The following WDR36 variants were observed in gnomAD, a reference collection of about 807,000 sequenced individuals.
WDR36 encodes the protein WD repeat-containing protein 36.
In WDR36, 63 loss-of-function variants were observed where a neutral mutation model predicts 112.7. That is an observed-to-expected ratio of 0.56 (90% confidence interval 0.46 to 0.69). The LOEUF (loss-of-function observed/expected upper bound fraction) is 0.69. WDR36 is among the 30% of genes least tolerant of loss of function. WDR36 has a pLI of 0.00. For missense variants in WDR36, 1,226 were observed against 1,070.3 expected (o/e 1.15, Z -2.03); for synonymous variants, 410 against 362.2 (o/e 1.13, Z -1.50).
rs1753321535 is a variant in WDR36 at position 111,110,789 on chromosome 5, T to C, written c.1443T>C (p.Ala481=). The C allele has an allele frequency of 3.7e-6, 6 of 1,610,220 alleles. No individual in the cohort carries two copies. The highest frequency in any genetic ancestry group is 1.7e-4 in the Middle Eastern group (1 of 6,008). Reference sequence around the variant, plus strand: ...TTTCTTTTGACATCTACCTTACAGCTCACAAGGGATCTGTTAGAGGTGTCG... The same window carrying C: ...TTTCTTTTGACATCTACCTTACAGCCCACAAGGGATCTGTTAGAGGTGTCG... ...IHRGSFGKDQ[A]HKGSVRGVAV... Residue 481 remains alanine (A), a splice_region_variant and synonymous_variant, in exon 14 of 23, where the codon GCT becomes GCC. Transcript: ENST00000513710.
intron 15 of WDR36, 72 bp downstream of exon 15, chr5:111,111,350 C>G (rs749370953): frequency 1.2e-5 from 14 of 1,196,486 alleles, no homozygotes; most frequent in Non-Finnish European, 1.6e-5. Context: ...CTTTAATAGC[C>G]TTAAAATCAT....
In WDR36 at chr5:111,105,370, C is replaced by G. The variant is rs1254230993; in HGVS notation, c.1093+10C>G. 3 of 1,607,608 alleles carry G rather than the reference C, an allele frequency of 1.9e-6. No individual in the cohort carries two copies. Among genetic ancestry groups the G allele is most frequent in the Non-Finnish European group, 2.6e-6 (3 of 1,175,296 alleles). ...AAGAGCTTGGGACATGGTAGGTCCT[C>G]TACAAGACAAAATAAGCTGGTCACG... On this transcript the variant is annotated intron_variant, in intron 10 of 22. Coordinates refer to ENST00000513710, the MANE Select transcript of WDR36 (RefSeq NM_139281.3).
At chr5:111,119,788 CA>C (rs1296979280) in intron 17 of WDR36, among the ~76,000 whole-genome samples, 2 of 151,954 alleles carry the variant, frequency 1.3e-5, no homozygotes, top group African/African-American at 4.8e-5. Context: ...ATAATAGAAA[CA>C]GACCCTGTTC....
chr5:111,100,058 C>T (rs938917564), intron 4 of WDR36, among the ~76,000 whole-genome samples: 13 of 147,560 alleles, frequency 8.8e-5, no homozygotes, highest in African/African-American at 1.7e-4. Context: ...CAGGGTTATA[C>T]GTTTTTTTTT....
intron 6 of WDR36, 57 bp downstream of exon 6, chr5:111,102,456 T>C (rs1005013600): frequency 1.3e-6 from 2 of 1,514,616 alleles, no homozygotes; most frequent in Admixed American, 3.4e-5. Flanking sequence ...AATCCTTCAG[T>C]TTCAGGAATC....
At chr5:111,101,221 G>T (rs1753114921) in intron 5 of WDR36, among the ~76,000 whole-genome samples, 1 of 151,866 alleles carries the variant, frequency 6.6e-6, no homozygotes, top group South Asian at 2.1e-4. Context: ...AAGGTGGCAT[G>T]TGATCCTGAC....
chr5:111,112,470 A>G (rs1753360904), intron 15 of WDR36, among the ~76,000 whole-genome samples: 1 of 152,010 alleles, frequency 6.6e-6, no homozygotes, highest in Non-Finnish European at 1.5e-5. Context: ...TGATGGATGA[A>G]CAGTCTACTA....
chr5:111,123,892 G>A lies in WDR36; in HGVS notation c.2236G>A (p.Ala746Thr). 2.5e-6 allele frequency: 4 copies of A among 1,613,748 alleles called. No individual in the cohort carries two copies. The highest frequency in any genetic ancestry group is 3.4e-6 in the Non-Finnish European group (4 of 1,179,880). ...AATTCCTGGCCTTGTACCCAGATAT[G>A]CTGCACCTGAACAAAATAATGATCC... is the stretch of plus-strand genomic sequence containing the variant. Reference protein sequence around the residue: ...PTIPGLVPRYAAPEQNNDPQQ... With the variant: ...PTIPGLVPRYTAPEQNNDPQQ... Residue 746 changes from alanine to threonine, a missense_variant, in exon 20 of 23, where the codon GCT (alanine) becomes ACT (threonine). Coordinates refer to ENST00000513710, the MANE Select transcript of WDR36 (RefSeq NM_139281.3).
At chr5:111,105,495 A>G (rs1753206273) in intron 10 of WDR36, 135 bp downstream of exon 10, 1 of 815,454 alleles carries the variant, frequency 1.2e-6, no homozygotes, top group African/African-American at 1.7e-5. Flanking sequence ...TGGAAGAGGT[A>G]GTAAGATTCC....
chr5:111,106,647 G>A (rs1753226666), intron 11 of WDR36, among the ~76,000 whole-genome samples: 1 of 151,406 alleles, frequency 6.6e-6, no homozygotes, highest in African/African-American at 2.4e-5. Flanking sequence ...TTGTTATTAT[G>A]ACCACCTTTC....
intron 17 of WDR36, among the ~76,000 whole-genome samples, chr5:111,120,125 A>ATGC (rs1753535576): frequency 6.6e-6 from 1 of 152,118 alleles, no homozygotes; most frequent in Admixed American, 6.6e-5. Context: ...CCACAAGAAT[A>ATGC]TGCTCAGCAT....
intron 3 of WDR36, among the ~76,000 whole-genome samples, chr5:111,097,761 G>C (rs1336802423): frequency 1.3e-5 from 2 of 152,168 alleles, no homozygotes; most frequent in Non-Finnish European, 2.9e-5. Context: ...TAATGGTCTA[G>C]AATGAAAGGA....
At chr5:111,102,321 T>C in intron 5 of WDR36, 24 bp from the exon 6 acceptor site, 2 of 1,592,658 alleles carry the variant, frequency 1.3e-6, no homozygotes, top group Middle Eastern at 1.7e-4. Context: ...AAAATACAGC[T>C]TTCAACTATT....
chr5:111,100,680 C>T lies in WDR36; in HGVS notation c.501C>T (p.Gly167=), dbSNP rs749286384. The change falls in exon 5 of 23, where the codon GGC becomes GGT. Residue 167 remains glycine (G), a synonymous_variant. Transcript: ENST00000513710. ...PSTYLNKILL[G]SEQGSLQLWN... Reference sequence around the variant, plus strand: ...CCTACTTGAATAAAATACTTCTGGGCAGTGAACAAGGAAGCCTGCAGTTGT... The same window carrying T: ...CCTACTTGAATAAAATACTTCTGGGTAGTGAACAAGGAAGCCTGCAGTTGT... 1 of 1,608,850 alleles carries T rather than the reference C, an allele frequency of 6.2e-7. No homozygotes were observed. The highest frequency in any genetic ancestry group is 1.1e-5 in the South Asian group (1 of 90,452).
chr5:111,113,226 G>T, intron 16 of WDR36, 73 bp downstream of exon 16: 1 of 862,066 alleles, frequency 1.2e-6, no homozygotes, highest in South Asian at 1.3e-5. Context: ...GACTTTTACC[G>T]ATAGTTAATG....
At position 111,098,906 on chromosome 5, in the gene WDR36, A is replaced by G. The variant is rs115613950; in HGVS notation, c.409+67A>G. ...TGTGTTTAATTAAAATTTAAAATCT[A>G]TGTAAACATCTATGCCAGAGATTTT... On this transcript the variant is annotated intron_variant, in intron 4 of 22. Coordinates refer to ENST00000513710, the MANE Select transcript of WDR36 (RefSeq NM_139281.3). 8.3e-4 allele frequency: 935 copies of G among 1,127,416 alleles called. 9 individuals are homozygous for G. In the African/African-American group the frequency reaches 0.012, roughly 15 times the overall value. 69.8% of individuals were successfully genotyped at this position (1,127,416 alleles called of 1,614,324 possible). A position where few individuals can be genotyped will look rare whatever the true frequency, so the allele number is the denominator to read the frequency against.
chr5:111,127,375 T>A lies in WDR36; in HGVS notation c.*492T>A, dbSNP rs1753695803. 5.0e-6 allele frequency: 1 copy of A among 200,086 alleles called. No individual in the cohort carries two copies. The highest frequency in any genetic ancestry group is 1.9e-4 in the South Asian group (1 of 5,226). The allele number at this position is 200,086 out of a possible 1,614,324, so 12.4% of individuals were successfully genotyped here. On this transcript the variant is annotated 3_prime_UTR_variant, in exon 23 of 23. Transcript: ENST00000513710. ...CACTGTGAAGTATTGCTGAATTAAA[T>A]TGAAAATGTCAGATAAAACTGATAC...
At chr5:111,097,233 T>C in intron 3 of WDR36, 54 bp downstream of exon 3, 1 of 1,288,278 alleles carries the variant, frequency 7.8e-7, no homozygotes, top group African/African-American at 1.5e-5. Flanking sequence ...GTCATGATAG[T>C]GGAGGGAACT....
rs772414565 is a variant in WDR36 at position 111,110,905 on chromosome 5, C to T, written c.1559C>T (p.Ser520Phe). The change falls in exon 14 of 23, where the codon TCT becomes TTT. Residue 520 changes from serine (S) to phenylalanine (F), a missense_variant. By Grantham distance (155) the Ser-to-Phe change is radical. Transcript: ENST00000513710. ...WNFKNKILIH[S>F]VSLSSSPNIM... ...TTTAAAAACAAAATTTTAATCCATT[C>T]TGTGAGCCTCAGTTCATCTCCAAAT... 2 of 1,611,494 alleles carry T rather than the reference C, an allele frequency of 1.2e-6. No individual in the cohort carries two copies. Among genetic ancestry groups the T allele is most frequent in the East Asian group, 2.2e-5 (1 of 44,814 alleles).
Sources: allele counts gnomAD v4.1 joint callset (sites outside exome capture counted in the v4.1 genomes callset), GRCh38; gene constraint gnomAD v4.1.1; transcripts MANE v1.5; gene names NCBI Gene and HGNC (gene_info 2026-07-23, HGNC 2026-07-21).